THSD7B: variants seen among roughly 807,000 people sequenced by gnomAD.
THSD7B encodes the protein thrombospondin type 1 domain containing 7B.
THSD7B carries 138 observed loss-of-function variants against 213.6 expected under a neutral mutation model. The ratio of observed to expected loss-of-function variants is 0.65; its 90% CI spans 0.56 to 0.74. The LOEUF (loss-of-function observed/expected upper bound fraction) is 0.74. Ranked by LOEUF, THSD7B falls within the 30% of genes least tolerant of loss-of-function variation. The probability of loss-of-function intolerance (pLI) is 0.00; values close to 1 mark genes in which losing one functional copy is unlikely to be tolerated. For synonymous variants in THSD7B, 742 were observed against 687.0 expected, an observed-to-expected ratio of 1.08 and a Z score of -1.25; for missense variants, 1,931 against 1,991.5, an observed-to-expected ratio of 0.97 and a Z score of 0.58.
At chr2:136,774,402 C>A (rs1339538725) in intron 1 of THSD7B, among the ~76,000 whole-genome samples, 2 of 152,038 alleles carry the variant, frequency 1.3e-5, no homozygotes, top group African/African-American at 4.8e-5. Flanking sequence ...TCTCAGTGAT[C>A]TGAAGGTCTT....
At chr2:137,514,841 C>T (rs1025112774) in intron 15 of THSD7B, among the ~76,000 whole-genome samples, 8 of 152,092 alleles carry the variant, frequency 5.3e-5, no homozygotes, top group African/African-American at 1.9e-4. Context: ...AAACATAATA[C>T]CTTTGACTAT....
intron 5 of THSD7B, among the ~76,000 whole-genome samples, chr2:137,159,383 G>A (rs189162382): frequency 1.4e-4 from 21 of 151,688 alleles, no homozygotes; most frequent in African/African-American, 5.1e-4. Context: ...AGCTATGATG[G>A]TACCACTGCA....
chr2:137,003,744 T>G (rs192913472), intron 2 of THSD7B, among the ~76,000 whole-genome samples: 6 of 152,206 alleles, frequency 3.9e-5, no homozygotes, highest in Admixed American at 6.5e-5. Context: ...ATTTGCTAGC[T>G]CTTCAGTCAT....
intron 12 of THSD7B, among the ~76,000 whole-genome samples, chr2:137,307,184 C>T (rs577044072): frequency 5.9e-5 from 9 of 152,090 alleles, no homozygotes; most frequent in Admixed American, 5.2e-4. Context: ...TCAGTTCTAA[C>T]AACATACACA....
At chr2:137,128,592 C>T (rs1193909084) in intron 5 of THSD7B, among the ~76,000 whole-genome samples, 2 of 152,108 alleles carry the variant, frequency 1.3e-5, no homozygotes, top group East Asian at 1.9e-4. Flanking sequence ...TATAGTAAAA[C>T]GTGCAAATTG....
At chr2:137,098,692 A>G (rs62172289) in intron 4 of THSD7B, among the ~76,000 whole-genome samples, 9,197 of 152,242 alleles carry the variant, frequency 0.06, 355 homozygotes, top group East Asian at 0.11. Context: ...TAGTCCTTGG[A>G]TATTAATAAA....
intron 16 of THSD7B, among the ~76,000 whole-genome samples, chr2:137,564,760 C>A (rs1256402575): frequency 6.6e-6 from 1 of 152,040 alleles, no homozygotes; most frequent in African/African-American, 2.4e-5. Context: ...AACAAGAAGG[C>A]CTTTCAGTCA....
In THSD7B at chr2:137,106,322, T is replaced by C. The variant is rs184070312; in HGVS notation, c.1200-8802T>C. 2.0e-5 allele frequency among the ~76,000 whole-genome samples: 3 copies of C among 152,176 alleles called. No homozygotes were observed. The East Asian group carries it at 5.8e-4, about 29-fold the overall frequency. ...AGGATTCCCTGTTTAATAAATGGTG[T>C]TGGGAAAACTGGCTAGCCATATGCA... is the stretch of plus-strand genomic sequence containing the variant. On this transcript the variant is annotated intron_variant, in intron 4 of 27. Coordinates refer to ENST00000409968, the MANE Select transcript of THSD7B (RefSeq NM_001316349.2).
chr2:137,380,217 G>A (rs1161973174), intron 12 of THSD7B, among the ~76,000 whole-genome samples: 1 of 149,768 alleles, frequency 6.7e-6, no homozygotes, highest in African/African-American at 2.5e-5. Flanking sequence ...TTTGAGACCA[G>A]CCTGGGCAAA....
intron 2 of THSD7B, among the ~76,000 whole-genome samples, chr2:137,016,335 G>C (rs13414008): frequency 0.075 from 11,459 of 152,170 alleles, 463 homozygotes; most frequent in East Asian, 0.15. Context: ...TGAGAGCTTT[G>C]CTAACCTGAT....
At chr2:136,982,007 G>A (rs971511588) in intron 2 of THSD7B, among the ~76,000 whole-genome samples, 11 of 152,298 alleles carry the variant, frequency 7.2e-5, no homozygotes, top group Non-Finnish European at 1.5e-4. Flanking sequence ...TAAATGTGAT[G>A]CCATTTTACT....
intron 7 of THSD7B, among the ~76,000 whole-genome samples, chr2:137,211,344 A>ACACACACACACACACACAGAGG (rs1553479485): frequency 3.8e-4 from 45 of 119,570 alleles, no homozygotes; most frequent in African/African-American, 1.2e-3. Context: ...ACACACACAC[A>ACACACACACACACACACAGAGG]CACACACACA....
At chr2:137,558,567 A>C (rs1436265613) in intron 15 of THSD7B, among the ~76,000 whole-genome samples, 1 of 152,198 alleles carries the variant, frequency 6.6e-6, no homozygotes, top group African/African-American at 2.4e-5. Flanking sequence ...AGTATCTCAA[A>C]ATACTAAGAG....
intron 2 of THSD7B, among the ~76,000 whole-genome samples, chr2:136,977,861 A>G (rs1264842187): frequency 2.7e-5 from 4 of 148,272 alleles, no homozygotes; most frequent in Non-Finnish European, 5.9e-5. Flanking sequence ...CGGAAAAGGC[A>G]TGATCTCAGC....
At chr2:136,980,076 C>A (rs1294189593) in intron 2 of THSD7B, among the ~76,000 whole-genome samples, 1 of 152,080 alleles carries the variant, frequency 6.6e-6, no homozygotes, top group Admixed American at 6.5e-5. Flanking sequence ...TCACCTGGGT[C>A]TCTCCTGCAC....
At chr2:137,290,017 T>C (rs977197306) in intron 12 of THSD7B, among the ~76,000 whole-genome samples, 4 of 151,886 alleles carry the variant, frequency 2.6e-5, no homozygotes, top group Non-Finnish European at 5.9e-5. Context: ...CTTTATAAAA[T>C]GGCTCAATGT....
intron 7 of THSD7B, among the ~76,000 whole-genome samples, chr2:137,175,086 G>A (rs1208201492): frequency 6.6e-6 from 1 of 152,142 alleles, no homozygotes; most frequent in African/African-American, 2.4e-5. Context: ...ATAATGCCAG[G>A]CCAGTGGACA....
At chr2:137,277,485 C>T (rs1261973664) in intron 12 of THSD7B, among the ~76,000 whole-genome samples, 1 of 151,958 alleles carries the variant, frequency 6.6e-6, no homozygotes, top group Non-Finnish European at 1.5e-5. Flanking sequence ...AAAGACATTG[C>T]TACCTCTATC....
At chr2:137,610,603 T>C (rs367636780) in intron 17 of THSD7B, among the ~76,000 whole-genome samples, 1 of 152,152 alleles carries the variant, frequency 6.6e-6, no homozygotes, top group Non-Finnish European at 1.5e-5. Flanking sequence ...TCTAAACACA[T>C]GAAGAGTTGA....
Sources: allele counts gnomAD v4.1 joint callset (sites outside exome capture counted in the v4.1 genomes callset), GRCh38; gene constraint gnomAD v4.1.1; transcripts MANE v1.5; gene names NCBI Gene and HGNC (gene_info 2026-07-23, HGNC 2026-07-21).